Variants in SPRED2 observed in about 807,000 individuals in gnomAD.
SPRED2 encodes the protein sprouty related EVH1 domain containing 2.
Under a neutral mutation model 43.0 loss-of-function variants are expected in SPRED2, and 47 were observed. That is an observed-to-expected ratio of 1.09 (90% CI 0.87 to 1.40). The LOEUF (loss-of-function observed/expected upper bound fraction) is 1.40, where lower values mean the gene tolerates loss of function less well. Ranked by LOEUF, SPRED2 falls within the 40% of genes most tolerant of loss-of-function variation. The pLI is 0.00. For synonymous variants in SPRED2, 225 were observed against 225.7 expected, an observed-to-expected ratio of 1.00 and a Z score of 0.03; for missense variants, 561 against 586.4, an observed-to-expected ratio of 0.96 and a Z score of 0.45.
chr2:65,364,268 G>A (rs1000114405), intron 1 of SPRED2, among the ~76,000 whole-genome samples: 5 of 152,194 alleles, frequency 3.3e-5, no homozygotes, highest in Admixed American at 6.5e-5. Context: ...CCACTAGGGC[G>A]GGAATTAAGA....
intron 1 of SPRED2, among the ~76,000 whole-genome samples, chr2:65,376,696 T>C (rs1329905877): frequency 6.6e-6 from 1 of 152,182 alleles, no homozygotes; most frequent in East Asian, 1.9e-4. Flanking sequence ...TAGACCTTGC[T>C]GTTTATCTCT....
At chr2:65,348,735 C>A (rs1279150933) in intron 1 of SPRED2, among the ~76,000 whole-genome samples, 1 of 150,150 alleles carries the variant, frequency 6.7e-6, no homozygotes, top group East Asian at 2.0e-4. Flanking sequence ...ACCCCAGAGG[C>A]AGAGCTGAGA....
At chr2:65,366,585 C>T (rs778763246) in intron 1 of SPRED2, 22 of 1,553,054 alleles carry the variant, frequency 1.4e-5, no homozygotes, top group African/African-American at 9.6e-5. Flanking sequence ...ACAGTAAGCA[C>T]GTACCTGCCA....
At chr2:65,338,929 G>GCCCC (rs1674075079) in intron 2 of SPRED2, among the ~76,000 whole-genome samples, 1 of 152,164 alleles carries the variant, frequency 6.6e-6, no homozygotes, top group Non-Finnish European at 1.5e-5. Context: ...TCTGAGATGT[G>GCCCC]GGGAGCGCCT....
intron 1 of SPRED2, among the ~76,000 whole-genome samples, chr2:65,383,044 C>T (rs939568879): frequency 6.6e-6 from 1 of 152,206 alleles, no homozygotes; most frequent in Non-Finnish European, 1.5e-5. Flanking sequence ...CCGCCACCCA[C>T]GCAGCCCGGT....
At position 65,376,425 on chromosome 2, in the gene SPRED2, G is replaced by A. The variant is rs548365733; in HGVS notation, c.27-31529C>T. 5.9e-5 allele frequency among the ~76,000 whole-genome samples: 9 copies of A among 152,224 alleles called. No individual in the cohort carries two copies. In the South Asian group the frequency reaches 1.2e-3, roughly 21 times the overall value. On this transcript the variant is annotated intron_variant, in intron 1 of 5. Coordinates refer to ENST00000356388, the MANE Select transcript of SPRED2 (RefSeq NM_181784.3). ...GAAGCCATTAATTTATCTGTACAAT[G>A]TAAAGATAGATGCATTTTTCTTTTT...
chr2:65,383,658 A>G (rs1035061007), intron 1 of SPRED2, among the ~76,000 whole-genome samples: 11 of 152,270 alleles, frequency 7.2e-5, no homozygotes, highest in Middle Eastern at 6.8e-3. Flanking sequence ...GCCTAATCGA[A>G]ATCTCCCTAA....
chr2:65,353,809 G>A (rs1470342200), intron 1 of SPRED2, among the ~76,000 whole-genome samples: 2 of 151,962 alleles, frequency 1.3e-5, no homozygotes, highest in African/African-American at 2.4e-5. Context: ...TTTCCCCATC[G>A]CTGAGTGCTA....
At chr2:65,428,266 T>C (rs1330738146) in intron 1 of SPRED2, among the ~76,000 whole-genome samples, 1 of 152,212 alleles carries the variant, frequency 6.6e-6, no homozygotes, top group Non-Finnish European at 1.5e-5. Context: ...TAGTGTCTAT[T>C]CCCATTTTGT....
intron 1 of SPRED2, among the ~76,000 whole-genome samples, chr2:65,403,508 C>G (rs575456202): frequency 2.0e-5 from 3 of 152,290 alleles, no homozygotes; most frequent in African/African-American, 4.8e-5. Context: ...CTCAAGCAAT[C>G]CCCCCACCTT....
chr2:65,413,502 T>G (rs1050665312), intron 1 of SPRED2, among the ~76,000 whole-genome samples: 2 of 152,194 alleles, frequency 1.3e-5, no homozygotes, highest in African/African-American at 4.8e-5. Flanking sequence ...CTCTGTGTTG[T>G]GTTGTCTGCA....
chr2:65,335,836 C>G (rs4671127), intron 2 of SPRED2, among the ~76,000 whole-genome samples: 51,832 of 152,044 alleles, frequency 0.34, 10,182 homozygotes, highest in East Asian at 0.78. Flanking sequence ...TTAAAAAACT[C>G]AGACTACTTA....
chr2:65,362,570 G>A (rs893849885), intron 1 of SPRED2, among the ~76,000 whole-genome samples: 5 of 151,954 alleles, frequency 3.3e-5, no homozygotes, highest in East Asian at 2.0e-4. Context: ...GCGCCCGGCC[G>A]TCACCTGTTA....
At chr2:65,393,581 C>T (rs1309448240) in intron 1 of SPRED2, among the ~76,000 whole-genome samples, 11 of 152,066 alleles carry the variant, frequency 7.2e-5, no homozygotes, top group Admixed American at 6.5e-4. Context: ...ATGATCCGCC[C>T]GCCTCTGCCT....
At chr2:65,357,092 A>G (rs1674674609) in intron 1 of SPRED2, among the ~76,000 whole-genome samples, 1 of 152,214 alleles carries the variant, frequency 6.6e-6, no homozygotes, top group Admixed American at 6.5e-5. Context: ...TGCTAGCAAT[A>G]AGCTGACAGG....
At chr2:65,374,882 A>G (rs980438320) in intron 1 of SPRED2, among the ~76,000 whole-genome samples, 1 of 152,234 alleles carries the variant, frequency 6.6e-6, no homozygotes, top group African/African-American at 2.4e-5. Context: ...TGTTTCGAGT[A>G]TCTCCTCCTC....
chr2:65,350,376 G>A (rs1004309850), intron 1 of SPRED2, among the ~76,000 whole-genome samples: 26 of 152,200 alleles, frequency 1.7e-4, no homozygotes, highest in African/African-American at 6.0e-4. Context: ...CTGCTGTAAT[G>A]GTGTGGATCT....
At chr2:65,403,345 C>G (rs1044030275) in intron 1 of SPRED2, among the ~76,000 whole-genome samples, 6 of 152,208 alleles carry the variant, frequency 3.9e-5, no homozygotes, top group African/African-American at 1.2e-4. Flanking sequence ...TGCATCAAAG[C>G]TCACTGCAGC....
At chr2:65,431,214 C>CAT (rs1392262207) in intron 1 of SPRED2, among the ~76,000 whole-genome samples, 10 of 149,838 alleles carry the variant, frequency 6.7e-5, no homozygotes, top group Non-Finnish European at 1.3e-4. Context: ...AGGACACTCA[C>CAT]ATACACACAC....
Sources: gnomAD v4.1 joint callset for allele counts (sites outside exome capture counted in the v4.1 genomes callset) on GRCh38, gnomAD v4.1.1 for gene constraint, MANE v1.5 for transcripts, NCBI Gene and HGNC (gene_info 2026-07-23, HGNC 2026-07-21) for gene names.